KAZN: variants seen among roughly 807,000 people sequenced by gnomAD.
KAZN encodes the protein kazrin, periplakin interacting protein, also known as kazrin.
Under a neutral mutation model 87.4 loss-of-function variants are expected in KAZN, and 40 were observed. That is an observed-to-expected ratio of 0.46 (90% CI 0.36 to 0.60). KAZN has a LOEUF of 0.60. KAZN is among the 20% of genes least tolerant of loss of function. The pLI is 0.00. For missense variants in KAZN, 898 were observed against 1,073.9 expected (o/e 0.84, Z 2.29); for synonymous variants, 466 against 458.3 (o/e 1.02, Z -0.22).
intron 1 of KAZN, among the ~76,000 whole-genome samples, chr1:14,792,727 C>T (rs1212121276): frequency 6.6e-6 from 1 of 152,180 alleles, no homozygotes; most frequent in Non-Finnish European, 1.5e-5. Context: ...CCTGTAATCC[C>T]AGCACTTTGG....
intron 1 of KAZN, among the ~76,000 whole-genome samples, chr1:14,169,939 A>T (rs775551144): frequency 3.5e-4 from 53 of 152,286 alleles, no homozygotes; most frequent in Non-Finnish European, 6.3e-4. Flanking sequence ...CTGACCCCAA[A>T]AGCTCAGGCC....
At position 14,704,184 on chromosome 1, in the gene KAZN, G is replaced by A. The variant is rs573521816; in HGVS notation, c.226+104961G>A. The stretch of plus-strand genomic sequence containing the variant: ...CACCTAGAAGACTGTACCAACAGAC[G>A]GTCCTCTCTGTGAAAGGAAATATCA... On this transcript the variant is annotated intron_variant, in intron 1 of 14. Coordinates refer to ENST00000376030, the MANE Select transcript of KAZN (RefSeq NM_201628.3). Among the ~76,000 whole-genome samples, 156 of 152,306 alleles carry A rather than the reference G, an allele frequency of 1.0e-3. 1 individual carries two copies. Among genetic ancestry groups the A allele is most frequent in the African/African-American group, 3.4e-3 (140 of 41,576 alleles).
upstream of KAZN, among the ~76,000 whole-genome samples, chr1:14,595,597 C>T (rs1222426493): frequency 2.0e-5 from 3 of 149,480 alleles, no homozygotes; most frequent in Non-Finnish European, 4.4e-5. Context: ...CAGACAATCC[C>T]TTGAACCCAG....
At chr1:14,421,985 G>A (rs1415221786) in intron 2 of KAZN, among the ~76,000 whole-genome samples, 2 of 152,172 alleles carry the variant, frequency 1.3e-5, no homozygotes, top group East Asian at 3.9e-4. Context: ...CCACGCCAAT[G>A]TCAATATTTT....
chr1:14,456,803 G>A (rs1667590160), intron 2 of KAZN, among the ~76,000 whole-genome samples: 1 of 152,174 alleles, frequency 6.6e-6, no homozygotes, highest in Admixed American at 6.5e-5. Context: ...TATGCAGCCG[G>A]GTGTGGTGGC....
intron 14 of KAZN, chr1:15,113,327 C>A: frequency 6.6e-6 from 1 of 152,114 alleles, no homozygotes; most frequent in East Asian, 1.9e-4. Context: ...TGTAAAAGCA[C>A]AAATGTACAT....
At chr1:14,186,725 A>G (rs1175567811) in intron 2 of KAZN, among the ~76,000 whole-genome samples, 1 of 152,158 alleles carries the variant, frequency 6.6e-6, no homozygotes, top group Non-Finnish European at 1.5e-5. Flanking sequence ...AGAGGAGTAG[A>G]TGCTGGCAGA....
intron 1 of KAZN, among the ~76,000 whole-genome samples, chr1:14,741,873 G>T (rs1361750763): frequency 3.3e-5 from 5 of 152,142 alleles, no homozygotes; most frequent in African/African-American, 1.2e-4. Context: ...TCTCAACCTT[G>T]ATGTTTGAGC....
At chr1:14,229,169 G>T (rs766596200) in intron 2 of KAZN, among the ~76,000 whole-genome samples, 15 of 152,172 alleles carry the variant, frequency 9.9e-5, no homozygotes, top group Non-Finnish European at 2.1e-4. Context: ...CGGCAAAAAA[G>T]ACAAGGAAGA....
intron 1 of KAZN, among the ~76,000 whole-genome samples, chr1:14,862,434 A>T (rs1027071801): frequency 6.6e-6 from 1 of 152,062 alleles, no homozygotes; most frequent in Non-Finnish European, 1.5e-5. Context: ...CCTCCAATCA[A>T]TTGAGCTCCT....
chr1:14,888,181 C>T (rs1264986704), intron 1 of KAZN, among the ~76,000 whole-genome samples: 1 of 152,176 alleles, frequency 6.6e-6, no homozygotes, highest in East Asian at 1.9e-4. Context: ...GCGTGCCTCG[C>T]CGGAGCGGTG....
At chr1:14,748,747 T>C (rs1226300078) in intron 1 of KAZN, among the ~76,000 whole-genome samples, 2 of 152,184 alleles carry the variant, frequency 1.3e-5, no homozygotes, top group Non-Finnish European at 2.9e-5. Flanking sequence ...AGGCAATGTA[T>C]GTGAAGCTCT....
chr1:14,614,500 G>T (rs1678065823), intron 1 of KAZN, among the ~76,000 whole-genome samples: 1 of 152,212 alleles, frequency 6.6e-6, no homozygotes, highest in Non-Finnish European at 1.5e-5. Context: ...GAGCTCTGCA[G>T]CAGGACATGG....
chr1:14,076,286 A>G (rs1360223865), intron 1 of KAZN, among the ~76,000 whole-genome samples: 1 of 152,152 alleles, frequency 6.6e-6, no homozygotes, highest in East Asian at 1.9e-4. Flanking sequence ...GTCTAAAAAA[A>G]AAAGGGAAAG....
chr1:14,299,251 C>T (rs1478300711), intron 2 of KAZN, among the ~76,000 whole-genome samples: 1 of 152,052 alleles, frequency 6.6e-6, no homozygotes, highest in African/African-American at 2.4e-5. Flanking sequence ...GCCTGTAATC[C>T]CAGCCCTTTG....
intron 1 of KAZN, among the ~76,000 whole-genome samples, chr1:14,697,805 C>CCTAT (rs1355273432): frequency 6.6e-6 from 1 of 152,254 alleles, no homozygotes; most frequent in Non-Finnish European, 1.5e-5. Flanking sequence ...GCCCCACTGC[C>CCTAT]CTATGACTGT....
intron 1 of KAZN, among the ~76,000 whole-genome samples, chr1:14,101,053 A>C (rs1557475814): frequency 1.3e-5 from 2 of 152,180 alleles, no homozygotes; most frequent in African/African-American, 4.8e-5. Context: ...TGAGTTCTCC[A>C]TTAAACCTCT....
At chr1:13,935,962 A>AAT (rs1336786021) in intron 1 of KAZN, among the ~76,000 whole-genome samples, 3 of 150,812 alleles carry the variant, frequency 2.0e-5, no homozygotes, top group Non-Finnish European at 3.0e-5. Flanking sequence ...TATATACTAG[A>AAT]ATATATATAC....
chr1:15,068,366 C>T (rs531109111), intron 8 of KAZN, among the ~76,000 whole-genome samples: 1 of 152,248 alleles, frequency 6.6e-6, no homozygotes, highest in South Asian at 2.1e-4. Flanking sequence ...CTCTGCCGCC[C>T]TGACTGTAAT....
Sources: gnomAD v4.1 joint callset for allele counts (sites outside exome capture counted in the v4.1 genomes callset) on GRCh38, gnomAD v4.1.1 for gene constraint, MANE v1.5 for transcripts, NCBI Gene and HGNC (gene_info 2026-07-23, HGNC 2026-07-21) for gene names.